The following A2ML1 variants were observed in gnomAD, a reference collection of about 807,000 sequenced individuals.
The protein encoded by A2ML1 is alpha-2-macroglobulin like 1.
In A2ML1, 161 loss-of-function variants were observed where a neutral mutation model predicts 181.9. That is an observed-to-expected ratio of 0.89 (90% CI 0.78 to 1.01). A2ML1 has a LOEUF of 1.01. A2ML1 is among the 50% of genes least tolerant of loss of function. A2ML1 has a pLI of 0.00. For missense variants in A2ML1, 1,670 were observed against 1,768.1 expected, an observed-to-expected ratio of 0.94 and a Z score of 1.00; for synonymous variants, 663 against 666.8, an observed-to-expected ratio of 0.99 and a Z score of 0.09.
At position 8,869,155 on chromosome 12, in the gene A2ML1, G is replaced by A; in HGVS notation, c.4173G>A (p.Val1391=). The part of the protein sequence containing the change: ...TNQLLLQQPL[V]KKVEFGTDTL... Reference sequence around the variant, plus strand: ...TTCAGCTTCTCCAGCAACCCCTGGTGAAGAAGGTTGAATTTGGAACTGACA... The same window carrying A: ...TTCAGCTTCTCCAGCAACCCCTGGTAAAGAAGGTTGAATTTGGAACTGACA... Residue 1391 remains valine (V), a synonymous_variant, in exon 33 of 36, where the codon GTG becomes GTA. Coordinates refer to ENST00000299698, the MANE Select transcript of A2ML1 (RefSeq NM_144670.6). The A allele has an allele frequency of 6.2e-7, 1 of 1,614,070 alleles. No homozygotes were observed. Among genetic ancestry groups the A allele is most frequent in the Non-Finnish European group, 8.5e-7 (1 of 1,180,006 alleles).
chr12:8,823,411 C>T, intron 2 of A2ML1, 46 bp downstream of exon 2: 1 of 1,555,414 alleles, frequency 6.4e-7, no homozygotes, highest in Non-Finnish European at 8.8e-7. Flanking sequence ...CTTGCCTATT[C>T]TCCTCCCTAG....
chr12:8,846,356 C>A, intron 14 of A2ML1, 134 bp downstream of exon 14: 1 of 1,041,668 alleles, frequency 9.6e-7, no homozygotes, highest in South Asian at 1.7e-5. Flanking sequence ...ATATTTATAT[C>A]TTTAGTGTTT....
intron 28 of A2ML1, among the ~76,000 whole-genome samples, chr12:8,862,103 G>A (rs993962050): frequency 6.6e-6 from 1 of 152,202 alleles, no homozygotes; most frequent in Non-Finnish European, 1.5e-5. Context: ...CATTGAAGAA[G>A]CTAGTCGGAA....
intron 7 of A2ML1, 100 bp from the exon 8 acceptor site, chr12:8,837,340 C>T (rs1943316064): frequency 1.4e-6 from 2 of 1,476,388 alleles, no homozygotes; most frequent in Non-Finnish European, 1.8e-6. Flanking sequence ...AGCTTTCTTT[C>T]AGAGGCTGGA....
chr12:8,857,109 A>T, intron 23 of A2ML1, 55 bp from the exon 24 acceptor site: 1 of 1,528,482 alleles, frequency 6.5e-7, no homozygotes, highest in Non-Finnish European at 9.0e-7. Context: ...GATAACTCTT[A>T]GAGGGTCCCT....
At chr12:8,848,292 C>A (rs770051628) in intron 15 of A2ML1, among the ~76,000 whole-genome samples, 1 of 152,110 alleles carries the variant, frequency 6.6e-6, no homozygotes, top group Non-Finnish European at 1.5e-5. Flanking sequence ...ACCAGCCTGA[C>A]CAACATGGTG....
Position 8,837,478 on chromosome 12 carries a change from T to TA in A2ML1, c.768dup (p.Ser257IlefsTer21). On this transcript the variant is annotated frameshift_variant, in exon 8 of 36. Transcript: ENST00000299698. LOFTEE classifies it high-confidence loss of function. ...AAGCCCATGCTAGGGGCAGTGCAGG[T>TA]ATCTGTGTGTCAGAAGGCAAATACT... 1.2e-6 allele frequency: 2 copies of TA among 1,614,106 alleles called. No homozygotes were observed. Among genetic ancestry groups the TA allele is most frequent in the Non-Finnish European group, 1.7e-6 (2 of 1,179,976 alleles).
rs1182497554 is a variant in A2ML1 at position 8,852,615 on chromosome 12, C to A, written c.2590+279C>A. On this transcript the variant is annotated intron_variant, in intron 20 of 35. Transcript: ENST00000299698. The surrounding 1 kb of genome is among the most constrained non-coding windows in gnomAD (Gnocchi z 4.2). ...GGTCATGTAACTAATCAAGGACTTA[C>A]TATAAGAGTCCCTGGGCCAGGCACT... Among the ~76,000 whole-genome samples, 1 of 152,218 alleles carries A rather than the reference C, an allele frequency of 6.6e-6. No homozygotes were observed. The highest frequency in any genetic ancestry group is 1.5e-5 in the Non-Finnish European group (1 of 68,046).
Position 8,874,764 on chromosome 12 carries a change from A to G in A2ML1, c.4325-207A>G, listed in dbSNP as rs16917867. Among the ~76,000 whole-genome samples the G allele has an allele frequency of 0.099, 15,009 of 152,238 alleles. 867 individuals are homozygous for G. The highest frequency in any genetic ancestry group is 0.15 in the African/African-American group (6,298 of 41,520). On this transcript the variant is annotated intron_variant, in intron 34 of 35. Transcript: ENST00000299698. ...GAGAACAATGTGAACCATTGTTCTC[A>G]AAGGGCTATTTCTATTATTTTTGGT...
chr12:8,854,444 A>T (rs1943992653), intron 21 of A2ML1, among the ~76,000 whole-genome samples, 195 bp downstream of exon 21: 1 of 152,178 alleles, frequency 6.6e-6, no homozygotes, highest in Non-Finnish European at 1.5e-5. Flanking sequence ...CCGGCACCTC[A>T]TAGGCACTCA....
chr12:8,869,274 A>G, intron 33 of A2ML1, 71 bp downstream of exon 33: 1 of 1,486,298 alleles, frequency 6.7e-7, no homozygotes, highest in Non-Finnish European at 9.4e-7. Context: ...TCTAATCTGT[A>G]TATACGGGTG....
Position 8,843,206 on chromosome 12 carries a change from C to A in A2ML1, c.1321C>A (p.His441Asn). The change falls in exon 12 of 36, where the codon CAC becomes AAC. Residue 441 changes from histidine to asparagine, a missense_variant. Coordinates refer to ENST00000299698, the MANE Select transcript of A2ML1 (RefSeq NM_144670.6). ...VPRYYQNAYL[H>N]LRPFYSTTRS... ...ACGTTACTACCAAAATGCCTACCTG[C>A]ACCTGCGACCCTTCTACAGCACAAC... 6.2e-7 allele frequency: 1 copy of A among 1,614,226 alleles called. No individual in the cohort carries two copies. Among genetic ancestry groups the A allele is most frequent in the East Asian group, 2.2e-5 (1 of 44,888 alleles).
intron 29 of A2ML1, among the ~76,000 whole-genome samples, chr12:8,867,068 G>T (rs1944448179): frequency 6.6e-6 from 1 of 152,180 alleles, no homozygotes; most frequent in Non-Finnish European, 1.5e-5. Context: ...TAAGAAGCCA[G>T]CCTGCAGGGA....
At chr12:8,838,787 G>A (rs990700134) in intron 9 of A2ML1, among the ~76,000 whole-genome samples, 3 of 151,762 alleles carry the variant, frequency 2.0e-5, no homozygotes, top group African/African-American at 4.8e-5. Flanking sequence ...TGACGGGGGC[G>A]CCTGTAGTCC....
chr12:8,858,378 T>C, intron 26 of A2ML1: 1 of 290,584 alleles, frequency 3.4e-6, no homozygotes, highest in Non-Finnish European at 6.4e-6. Flanking sequence ...GGCCCAGGAG[T>C]TTGAGACCAC....
intron 11 of A2ML1, among the ~76,000 whole-genome samples, chr12:8,842,307 TC>T (rs1307235120): frequency 4.0e-5 from 6 of 151,262 alleles, no homozygotes; most frequent in Non-Finnish European, 8.8e-5. Context: ...AAGCTCCGCC[TC>T]CCCGGTTCAC....
At chr12:8,840,966 AGAAGGAAGGAAAGAAG>A (rs1409398476) in intron 10 of A2ML1, among the ~76,000 whole-genome samples, 23 of 110,176 alleles carry the variant, frequency 2.1e-4, no homozygotes, top group African/African-American at 5.9e-4. Context: ...AAGGAAGGAA[AGAAGGAAGGAAAGAAG>A]GAAGGAAGGA....
chr12:8,826,491 GC>G (rs1033306636), intron 3 of A2ML1, among the ~76,000 whole-genome samples: 1 of 152,124 alleles, frequency 6.6e-6, no homozygotes, highest in African/African-American at 2.4e-5. Context: ...TGTTGCCCAG[GC>G]TGTGGAGTGC....
At chr12:8,842,503 G>A (rs1286940940) in intron 11 of A2ML1, among the ~76,000 whole-genome samples, 5 of 152,166 alleles carry the variant, frequency 3.3e-5, no homozygotes, top group Admixed American at 2.0e-4. Flanking sequence ...ACAGGCGTGA[G>A]CCACCGCGCC....
Sources: gnomAD v4.1 joint callset for allele counts (sites outside exome capture counted in the v4.1 genomes callset) on GRCh38, gnomAD v4.1.1 for gene constraint, Gnocchi (gnomAD v3.1) non-coding constraint, MANE v1.5 for transcripts, NCBI Gene and HGNC (gene_info 2026-07-23, HGNC 2026-07-21) for gene names.